CIB2: variants seen among roughly 807,000 people sequenced by gnomAD.
CIB2 encodes the protein calcium and integrin binding family member 2, also known as calcium and integrin-binding family member 2.
Under a neutral mutation model 23.1 loss-of-function variants are expected in CIB2, and 19 were observed. The ratio of observed to expected loss-of-function variants is 0.82; its 90% CI spans 0.57 to 1.21. The LOEUF (loss-of-function observed/expected upper bound fraction) is 1.21, where lower values mean the gene tolerates loss of function less well. Ranked by LOEUF, CIB2 falls within the 50% of genes most tolerant of loss-of-function variation. CIB2 has a pLI of 0.00. For missense variants in CIB2, 220 were observed against 241.5 expected (o/e 0.91, Z 0.59); for synonymous variants, 94 against 91.7 (o/e 1.03, Z -0.14).
chr15:78,113,685 A>C (rs1009532095), intron 2 of CIB2, among the ~76,000 whole-genome samples: 2 of 151,942 alleles, frequency 1.3e-5, no homozygotes, highest in African/African-American at 4.8e-5. Flanking sequence ...CGCCTGCCAC[A>C]ATGCCCGGCA....
In CIB2 at chr15:78,123,776, C is replaced by T. The variant is rs766143490; in HGVS notation, c.52-37G>A. ...AAACACACAACACACAGTCAGTGTG[C>T]GGCTCCCAGACTTTCTTCCTCAGAG... On this transcript the variant is annotated intron_variant, in intron 1 of 5. Coordinates refer to ENST00000258930, the MANE Select transcript of CIB2 (RefSeq NM_006383.4). The T allele has an allele frequency of 6.8e-6, 11 of 1,612,426 alleles. No individual in the cohort carries two copies. The African/African-American group carries it at 1.3e-4, about 20-fold the overall frequency.
Position 78,105,756 on chromosome 15 carries a change from C to T in CIB2, c.525G>A (p.Lys175=), listed in dbSNP as rs1428237936. ...GFADFEDMIA[K]APDFLSTFHI... ...GGCAGCACCTGAGGAAGTCAGGGGC[C>T]TTGGCAATCATGTCCTCGAAGTCAG... The change falls in exon 5 of 6, where the codon AAG becomes AAA. Residue 175 remains lysine, a synonymous_variant. Transcript: ENST00000258930. The T allele has an allele frequency of 1.2e-6, 2 of 1,614,178 alleles. No homozygotes were observed. The highest frequency in any genetic ancestry group is 4.5e-5 in the East Asian group (2 of 44,874).
At chr15:78,106,161 A>AC (rs1412969080) in intron 4 of CIB2, among the ~76,000 whole-genome samples, 1 of 152,192 alleles carries the variant, frequency 6.6e-6, no homozygotes, top group African/African-American at 2.4e-5. Flanking sequence ...CCCCACAATG[A>AC]CTAAACCACA....
At position 78,123,135 on chromosome 15, in the gene CIB2, C is replaced by T. The variant is rs142333671; in HGVS notation, c.86+570G>A. Among the ~76,000 whole-genome samples, 251 of 152,310 alleles carry T rather than the reference C, an allele frequency of 1.6e-3. 1 individual carries two copies. Among genetic ancestry groups the T allele is most frequent in the Middle Eastern group, 0.014 (4 of 294 alleles). On this transcript the variant is annotated intron_variant, in intron 2 of 5. Transcript: ENST00000258930. Reference sequence around the variant, plus strand: ...CCCCCATCAACACCAAGGAGAAGGGCTGTCCTGGGAAGAAGCAGAGCCCTG... The same window carrying T: ...CCCCCATCAACACCAAGGAGAAGGGTTGTCCTGGGAAGAAGCAGAGCCCTG...
At position 78,105,773 on chromosome 15, in the gene CIB2, C is replaced by G. The variant is rs552039338; in HGVS notation, c.508G>C (p.Glu170Gln). 6.2e-7 allele frequency: 1 copy of G among 1,614,200 alleles called. No individual in the cohort carries two copies. Among genetic ancestry groups the G allele is most frequent in the South Asian group, 1.1e-5 (1 of 91,088 alleles). Reference protein sequence around the residue: ...GDGKLGFADFEDMIAKAPDFL... With the variant: ...GDGKLGFADFQDMIAKAPDFL... ...TCAGGGGCCTTGGCAATCATGTCCTCGAAGTCAGCAAAGCCCAGCTTGCCG... is the reference window on the plus strand; with the variant it reads ...TCAGGGGCCTTGGCAATCATGTCCTGGAAGTCAGCAAAGCCCAGCTTGCCG... The change falls in exon 5 of 6, where the codon GAG (glutamate) becomes CAG (glutamine). Residue 170 changes from glutamate (E) to glutamine (Q), a missense_variant. By Grantham distance (29) the Glu-to-Gln change is conservative. Coordinates refer to ENST00000258930, the MANE Select transcript of CIB2 (RefSeq NM_006383.4).
At chr15:78,123,086 C>A (rs2074340331) in intron 2 of CIB2, among the ~76,000 whole-genome samples, 1 of 152,168 alleles carries the variant, frequency 6.6e-6, no homozygotes, top group South Asian at 2.1e-4. Context: ...TCCCCTTTAT[C>A]TTTCCCATCC....
Position 78,131,076 on chromosome 15 carries a change from C to G in CIB2, c.51+89G>C. 1 of 1,225,746 alleles carries G rather than the reference C, an allele frequency of 8.2e-7. No homozygotes were observed. Among genetic ancestry groups the G allele is most frequent in the Non-Finnish European group, 1.1e-6 (1 of 887,190 alleles). 75.9% of individuals were successfully genotyped at this position (1,225,746 alleles called of 1,614,324 possible). Reference sequence around the variant, plus strand: ...CAGGGTTTGAACCTGGGAGAGCTGGCTCTCGGGAGGCCTCGGCCAGCGACC... The same window carrying G: ...CAGGGTTTGAACCTGGGAGAGCTGGGTCTCGGGAGGCCTCGGCCAGCGACC... On this transcript the variant is annotated intron_variant, in intron 1 of 5. Coordinates refer to ENST00000258930, the MANE Select transcript of CIB2 (RefSeq NM_006383.4). This position sits in a 1 kb window ranked among gnomAD's most constrained non-coding sequence, Gnocchi z 5.8.
At chr15:78,110,521 A>C (rs565336290) in intron 3 of CIB2, 9 of 392,898 alleles carry the variant, frequency 2.3e-5, no homozygotes, top group African/African-American at 1.9e-4. Context: ...CTACTGACGA[A>C]GTCCCACTGC....
At chr15:78,128,694 C>CA (rs531565613) in intron 1 of CIB2, among the ~76,000 whole-genome samples, 2,203 of 54,172 alleles carry the variant, frequency 0.041, 49 homozygotes, top group African/African-American at 0.12. Flanking sequence ...GACTCCGTCT[C>CA]AAAAAAAAAA....
At chr15:78,107,755 A>G (rs1184757858) in intron 4 of CIB2, among the ~76,000 whole-genome samples, 1 of 152,242 alleles carries the variant, frequency 6.6e-6, no homozygotes, top group South Asian at 2.1e-4. Context: ...AGCTTTTTAC[A>G]TGAGCCATGT....
In CIB2 at chr15:78,109,401, G is replaced by A. The variant is rs768762134; in HGVS notation, c.199-19C>T. ...GATTCTCCTGAAGAAAACACACACA[G>A]CAATCACTGTGGGTGCAGGATAAGC... On this transcript the variant is annotated intron_variant, in intron 3 of 5. Transcript: ENST00000258930. 9.9e-6 allele frequency: 16 copies of A among 1,613,768 alleles called. No homozygotes were observed. The highest frequency in any genetic ancestry group is 1.1e-5 in the South Asian group (1 of 91,076).
chr15:78,128,357 T>C (rs1437873387), intron 1 of CIB2, among the ~76,000 whole-genome samples: 1 of 152,026 alleles, frequency 6.6e-6, no homozygotes, highest in African/African-American at 2.4e-5. Context: ...CCTAAAACTT[T>C]GGGTGCAAAG....
At chr15:78,124,576 G>C (rs554518246) in intron 1 of CIB2, among the ~76,000 whole-genome samples, 1 of 152,162 alleles carries the variant, frequency 6.6e-6, no homozygotes, top group Non-Finnish European at 1.5e-5. Flanking sequence ...GCCAGCCCTT[G>C]GTGAAAAGTA....
intron 2 of CIB2, among the ~76,000 whole-genome samples, chr15:78,119,291 G>A (rs1279580982): frequency 2.6e-5 from 4 of 152,178 alleles, no homozygotes; most frequent in Admixed American, 6.5e-5. Context: ...TTTGCAGGTT[G>A]AATAGTGTTT....
At chr15:78,126,751 T>G (rs963324471) in intron 1 of CIB2, among the ~76,000 whole-genome samples, 1 of 152,202 alleles carries the variant, frequency 6.6e-6, no homozygotes, top group African/African-American at 2.4e-5. Context: ...TTTCTGAACA[T>G]TTAGTAACAC....
At position 78,110,373 on chromosome 15, in the gene CIB2, G is replaced by A. The variant is rs188986084; in HGVS notation, c.198+792C>T. ...TCTTGAGCCCCTTGCTGGGCCAGACGGGGTGCTGGTCCAGGGCTGAGCCTG... is the reference window on the plus strand; with the variant it reads ...TCTTGAGCCCCTTGCTGGGCCAGACAGGGTGCTGGTCCAGGGCTGAGCCTG... On this transcript the variant is annotated intron_variant, in intron 3 of 5. Transcript: ENST00000258930. Among the ~76,000 whole-genome samples the A allele has an allele frequency of 7.9e-5, 12 of 152,332 alleles. No individual in the cohort carries two copies. The East Asian group carries it at 1.4e-3, about 17-fold the overall frequency.
At position 78,131,366 on chromosome 15, in the gene CIB2, G is replaced by A. The variant is rs2074454078; in HGVS notation, c.-151C>T. Reference sequence around the variant, plus strand: ...CCGGACCCTTCCCGCCCCGCAGCTCGCCTGGAGGAGGCGCGCGGGGGTCTC... The same window carrying A: ...CCGGACCCTTCCCGCCCCGCAGCTCACCTGGAGGAGGCGCGCGGGGGTCTC... On this transcript the variant is annotated 5_prime_UTR_variant, in exon 1 of 6. Coordinates refer to ENST00000258930, the MANE Select transcript of CIB2 (RefSeq NM_006383.4). The surrounding 1 kb of genome is among the most constrained non-coding windows in gnomAD (Gnocchi z 5.8). 9.7e-6 allele frequency: 4 copies of A among 410,486 alleles called. No homozygotes were observed. Among genetic ancestry groups the A allele is most frequent in the Non-Finnish European group, 1.4e-5 (4 of 286,450 alleles). 25.4% of individuals were successfully genotyped at this position (410,486 alleles called of 1,614,324 possible). A position where few individuals can be genotyped will look rare whatever the true frequency, so the allele number is the denominator to read the frequency against.
At chr15:78,107,257 A>G (rs940192309) in intron 4 of CIB2, among the ~76,000 whole-genome samples, 1 of 151,964 alleles carries the variant, frequency 6.6e-6, no homozygotes, top group Non-Finnish European at 1.5e-5. Context: ...AGAAACAGGG[A>G]GGTGAAAAGG....
chr15:78,109,503 TC>T, intron 3 of CIB2, 121 bp from the exon 4 acceptor site: 1 of 1,074,800 alleles, frequency 9.3e-7, no homozygotes, highest in South Asian at 1.3e-5. Flanking sequence ...AGCCTCGGTT[TC>T]CCCATCTGTA....
Sources: allele counts gnomAD v4.1 joint callset (sites outside exome capture counted in the v4.1 genomes callset), GRCh38; gene constraint gnomAD v4.1.1; non-coding constraint Gnocchi (gnomAD v3.1); transcripts MANE v1.5; gene names NCBI Gene and HGNC (gene_info 2026-07-23, HGNC 2026-07-21).